The following RAP1GAP2 variants were observed in gnomAD, a reference collection of about 807,000 sequenced individuals.
RAP1GAP2 encodes the protein RAP1 GTPase activating protein 2.
In RAP1GAP2, 27 loss-of-function variants were observed where a neutral mutation model predicts 95.0. The observed-to-expected ratio is 0.28, with a 90% CI of 0.21 to 0.39. The LOEUF (loss-of-function observed/expected upper bound fraction) is 0.39, where lower values mean the gene tolerates loss of function less well. Among genes scored for constraint, RAP1GAP2 ranks in the 10% least tolerant of loss-of-function variants. RAP1GAP2 has a pLI of 1.00. For missense variants in RAP1GAP2, 771 were observed against 970.0 expected, an observed-to-expected ratio of 0.79 and a Z score of 2.72; for synonymous variants, 373 against 380.9, an observed-to-expected ratio of 0.98 and a Z score of 0.24.
At chr17:2,897,146 G>A (rs894904207) in intron 2 of RAP1GAP2, among the ~76,000 whole-genome samples, 7 of 152,140 alleles carry the variant, frequency 4.6e-5, no homozygotes, top group African/African-American at 1.7e-4. Context: ...AGACCAGCCT[G>A]GCCAACATAG....
intron 2 of RAP1GAP2, among the ~76,000 whole-genome samples, chr17:2,802,572 G>A (rs888690817): frequency 1.3e-5 from 2 of 152,136 alleles, no homozygotes; most frequent in Non-Finnish European, 2.9e-5. Flanking sequence ...TTAGCTGGGC[G>A]CGGTGGCGGG....
intron 2 of RAP1GAP2, among the ~76,000 whole-genome samples, chr17:2,877,180 T>C (rs2073130667): frequency 6.6e-6 from 1 of 152,124 alleles, no homozygotes; most frequent in Non-Finnish European, 1.5e-5. Flanking sequence ...TGAGCCACTG[T>C]GCCCAGCCTT....
chr17:3,030,941 C>G lies in RAP1GAP2; in HGVS notation c.2127C>G (p.Ser709=). The change falls in exon 23 of 25, where the codon TCC becomes TCG. Residue 709 remains serine, a synonymous_variant. Coordinates refer to ENST00000254695, the MANE Select transcript of RAP1GAP2 (RefSeq NM_015085.5). ...RSPTDAKSRN[S]PRSNLKFRFD... is the part of the protein sequence containing the mutation. ...TCTTAGATGCCAAAAGCAGAAACTC[C>G]CCGAGATCGAACCTGAAATTCCGCT... The G allele has an allele frequency of 1.2e-6, 2 of 1,611,150 alleles. No individual in the cohort carries two copies. Among genetic ancestry groups the G allele is most frequent in the Non-Finnish European group, 1.7e-6 (2 of 1,178,826 alleles).
At chr17:2,961,058 A>G (rs1356016493) in intron 4 of RAP1GAP2, among the ~76,000 whole-genome samples, 1 of 151,712 alleles carries the variant, frequency 6.6e-6, no homozygotes, top group Non-Finnish European at 1.5e-5. Flanking sequence ...TCTACTAAAA[A>G]TGCAAAAAAC....
chr17:2,810,675 C>T (rs935016034), intron 2 of RAP1GAP2, among the ~76,000 whole-genome samples: 1 of 151,920 alleles, frequency 6.6e-6, no homozygotes, highest in Non-Finnish European at 1.5e-5. Flanking sequence ...GGATTACAGG[C>T]ATGCGCCACC....
intron 11 of RAP1GAP2, among the ~76,000 whole-genome samples, chr17:2,987,187 G>T (rs1953430299): frequency 1.3e-5 from 2 of 152,132 alleles, no homozygotes; most frequent in South Asian, 4.1e-4. Context: ...GCAGTTTGTT[G>T]ACTCCTTCTA....
In RAP1GAP2 at chr17:2,985,003, C is replaced by T. The variant is rs543833555; in HGVS notation, c.750C>T (p.Ser250=). ...LYPKASQMIV[S]YDEHEVNNTF... is the part of the protein sequence containing the mutation. ...TCCAGGCCTCCCAAATGATTGTGTCCTATGATGAGCATGAAGTCAACAACA... is the reference window on the plus strand; with the variant it reads ...TCCAGGCCTCCCAAATGATTGTGTCTTATGATGAGCATGAAGTCAACAACA... Residue 250 remains serine (S), a synonymous_variant, in exon 11 of 25, where the codon TCC becomes TCT. Transcript: ENST00000254695. The T allele has an allele frequency of 1.2e-6, 2 of 1,613,350 alleles. No individual in the cohort carries two copies. The highest frequency in any genetic ancestry group is 2.7e-5 in the African/African-American group (2 of 74,912).
intron 3 of RAP1GAP2, among the ~76,000 whole-genome samples, chr17:2,918,675 G>A (rs1047115840): frequency 6.6e-6 from 1 of 151,958 alleles, no homozygotes; most frequent in Non-Finnish European, 1.5e-5. Flanking sequence ...TCTTGAGGAC[G>A]GCACCAGGGA....
At chr17:2,878,680 C>A (rs1214875696) in intron 2 of RAP1GAP2, among the ~76,000 whole-genome samples, 1 of 152,220 alleles carries the variant, frequency 6.6e-6, no homozygotes, top group East Asian at 1.9e-4. Flanking sequence ...AGGCGGCAGC[C>A]TGTGGGCCCA....
At chr17:2,841,021 G>A (rs943277177) in intron 2 of RAP1GAP2, among the ~76,000 whole-genome samples, 1 of 150,566 alleles carries the variant, frequency 6.6e-6, no homozygotes, top group African/African-American at 2.4e-5. Context: ...CCGGTGTGGT[G>A]GCTCACGCCT....
intron 19 of RAP1GAP2, 139 bp downstream of exon 19, chr17:3,020,734 G>A (rs1325167620): frequency 2.8e-6 from 2 of 702,212 alleles, no homozygotes; most frequent in East Asian, 5.5e-5. Flanking sequence ...TCAGGCACCT[G>A]TGTGTCCCCT....
chr17:2,948,255 C>T (rs574922230), intron 3 of RAP1GAP2, among the ~76,000 whole-genome samples: 26 of 152,280 alleles, frequency 1.7e-4, no homozygotes, highest in African/African-American at 2.4e-4. Flanking sequence ...GGGATTTTAG[C>T]GAGGCTGCTG....
chr17:2,826,184 A>G (rs1196713184), intron 2 of RAP1GAP2, among the ~76,000 whole-genome samples: 1 of 137,156 alleles, frequency 7.3e-6, no homozygotes, highest in Non-Finnish European at 1.5e-5. Flanking sequence ...TTTAGTAGAC[A>G]CAGGGTTTCA....
chr17:2,758,077 G>T (rs1475958011), intron 1 of RAP1GAP2, among the ~76,000 whole-genome samples: 1 of 150,456 alleles, frequency 6.6e-6, no homozygotes, highest in Non-Finnish European at 1.5e-5. Flanking sequence ...CACCATGTTA[G>T]CCCGGATGGT....
At chr17:2,888,640 CCTTTT>C (rs1363197014) in intron 2 of RAP1GAP2, among the ~76,000 whole-genome samples, 1 of 137,322 alleles carries the variant, frequency 7.3e-6, no homozygotes, top group Non-Finnish European at 1.5e-5. Context: ...ATATATACCA[CCTTTT>C]CTTTTTCTTT....
chr17:2,799,228 G>A (rs1447658280), intron 1 of RAP1GAP2, among the ~76,000 whole-genome samples: 1 of 152,214 alleles, frequency 6.6e-6, no homozygotes. Context: ...CTGCACCCCA[G>A]AGCGGGTGGG....
At chr17:2,895,000 A>G (rs2073841296) in intron 2 of RAP1GAP2, among the ~76,000 whole-genome samples, 1 of 152,088 alleles carries the variant, frequency 6.6e-6, no homozygotes, top group Non-Finnish European at 1.5e-5. Context: ...GAGAGGGTTC[A>G]GCATGCGGCA....
chr17:2,826,147 ATTTTTTT>A (rs71150901), intron 2 of RAP1GAP2, among the ~76,000 whole-genome samples: 56 of 108,860 alleles, frequency 5.1e-4, no homozygotes, highest in Admixed American at 1.6e-3. Flanking sequence ...CGCCCAGCAA[ATTTTTTT>A]TTTTTTTTTT....
intron 2 of RAP1GAP2, among the ~76,000 whole-genome samples, chr17:2,884,116 T>A (rs962319399): frequency 2.0e-5 from 3 of 152,096 alleles, no homozygotes; most frequent in African/African-American, 7.2e-5. Context: ...GGGCACAGGG[T>A]GTGGTCTCCA....
Sources: gnomAD v4.1 joint callset for allele counts (sites outside exome capture counted in the v4.1 genomes callset) on GRCh38, gnomAD v4.1.1 for gene constraint, MANE v1.5 for transcripts, NCBI Gene and HGNC (gene_info 2026-07-23, HGNC 2026-07-21) for gene names.